The following RREB1 variants were observed in gnomAD, a reference collection of about 807,000 sequenced individuals.
RREB1 encodes the protein ras responsive element binding protein 1, also known as ras-responsive element-binding protein 1.
A neutral mutation model predicts 117.8 loss-of-function variants in RREB1; 27 were observed. The observed-to-expected ratio is 0.23, with a 90% CI of 0.17 to 0.32. RREB1 has a LOEUF of 0.32. RREB1 is among the 10% of genes least tolerant of loss of function. The pLI is 1.00. For missense variants in RREB1, 2,577 were observed against 2,378.2 expected (o/e 1.08, Z -1.74); for synonymous variants, 1,298 against 1,026.7 (o/e 1.26, Z -5.05).
intron 1 of RREB1, among the ~76,000 whole-genome samples, chr6:7,150,566 A>C (rs1207119610): frequency 6.6e-6 from 1 of 152,262 alleles, no homozygotes; most frequent in Non-Finnish European, 1.5e-5. Flanking sequence ...GACATTGGTC[A>C]TACTGTCAGG....
chr6:7,153,329 A>G (rs1479867184), intron 1 of RREB1, among the ~76,000 whole-genome samples: 1 of 151,788 alleles, frequency 6.6e-6, no homozygotes, highest in Non-Finnish European at 1.5e-5. Context: ...TTATCAGTCC[A>G]CACGTGATTA....
At chr6:7,196,778 G>A (rs1398383290) in intron 6 of RREB1, among the ~76,000 whole-genome samples, 1 of 151,996 alleles carries the variant, frequency 6.6e-6, no homozygotes, top group Non-Finnish European at 1.5e-5. Context: ...ACTATATCTG[G>A]TACAGCTTTG....
intron 1 of RREB1, among the ~76,000 whole-genome samples, chr6:7,129,720 G>A (rs1762074530): frequency 6.6e-6 from 1 of 152,208 alleles, no homozygotes; most frequent in Non-Finnish European, 1.5e-5. Context: ...AGCCACCTTC[G>A]AGAGGGGTAA....
intron 6 of RREB1, among the ~76,000 whole-genome samples, chr6:7,197,984 A>G (rs1223683609): frequency 6.6e-6 from 1 of 152,238 alleles, no homozygotes; most frequent in Non-Finnish European, 1.5e-5. Flanking sequence ...GCAGTTGGGT[A>G]TCTGGAACAG....
intron 6 of RREB1, among the ~76,000 whole-genome samples, chr6:7,192,593 C>T (rs1490083591): frequency 6.6e-6 from 1 of 152,192 alleles, no homozygotes; most frequent in Non-Finnish European, 1.5e-5. Context: ...TACAATAACT[C>T]ATAATATCCT....
intron 6 of RREB1, among the ~76,000 whole-genome samples, chr6:7,203,840 C>T (rs752553586): frequency 2.0e-5 from 3 of 152,172 alleles, no homozygotes; most frequent in African/African-American, 4.8e-5. Context: ...AGCATGTGGT[C>T]TTTATAGACA....
At chr6:7,172,163 C>G (rs1479227398) in intron 1 of RREB1, among the ~76,000 whole-genome samples, 1 of 152,098 alleles carries the variant, frequency 6.6e-6, no homozygotes, top group Non-Finnish European at 1.5e-5. Context: ...CCAGGCTGGT[C>G]TCAAACTCCT....
At chr6:7,193,598 G>GT (rs1165511377) in intron 6 of RREB1, among the ~76,000 whole-genome samples, 3 of 152,022 alleles carry the variant, frequency 2.0e-5, no homozygotes, top group East Asian at 1.9e-4. Context: ...TTGATTTGTT[G>GT]TTTTTTTGTT....
intron 6 of RREB1, among the ~76,000 whole-genome samples, chr6:7,203,851 C>T (rs1766123525): frequency 6.6e-6 from 1 of 152,158 alleles, no homozygotes; most frequent in Admixed American, 6.5e-5. Context: ...TTTATAGACA[C>T]CTCCCAGAAT....
chr6:7,199,957 A>T (rs565794342), intron 6 of RREB1, among the ~76,000 whole-genome samples: 1 of 152,314 alleles, frequency 6.6e-6, no homozygotes, highest in South Asian at 2.1e-4. Context: ...ATCCTCTGAG[A>T]AAAAGGGTAG....
chr6:7,245,296 G>C (rs1464453508), intron 11 of RREB1, among the ~76,000 whole-genome samples: 3 of 152,206 alleles, frequency 2.0e-5, no homozygotes, highest in African/African-American at 7.2e-5. Context: ...TTGGGAGGCT[G>C]AGGCAGGAGA....
intron 8 of RREB1, among the ~76,000 whole-genome samples, chr6:7,221,435 G>A (rs551068413): frequency 6.6e-6 from 1 of 152,184 alleles, no homozygotes; most frequent in Non-Finnish European, 1.5e-5. Context: ...GCCTCCCAAA[G>A]TGCTGGGATT....
rs1192344666 is a variant in RREB1 at position 7,231,022 on chromosome 6, C to A, written c.2923C>A (p.Pro975Thr). The A allele has an allele frequency of 6.2e-7, 1 of 1,613,990 alleles. No homozygotes were observed. The highest frequency in any genetic ancestry group is 1.3e-5 in the African/African-American group (1 of 74,944). Reference protein sequence around the residue: ...SSEQPSPCPAPGPSLPVTLGP... With the variant: ...SSEQPSPCPATGPSLPVTLGP... ...CGAGCAGCCCTCTCCCTGCCCAGCACCCGGCCCTTCTCTTCCTGTAACTTT... is the reference window on the plus strand; with the variant it reads ...CGAGCAGCCCTCTCCCTGCCCAGCAACCGGCCCTTCTCTTCCTGTAACTTT... Residue 975 changes from proline to threonine, a missense_variant, in exon 10 of 13, where the codon CCC becomes ACC. Transcript: ENST00000379938.
rs1291468802 is a variant in RREB1, at chr6:7,182,088, T to C, written c.171+6T>C. 1 of 1,613,512 alleles carries C rather than the reference T, an allele frequency of 6.2e-7. No individual in the cohort carries two copies. Among genetic ancestry groups the C allele is most frequent in the South Asian group, 1.1e-5 (1 of 91,066 alleles). The stretch of plus-strand genomic sequence containing the variant: ...GGATTGGCAGAAGGAACCAGGTAAG[T>C]GTTCACACCTAGTGGTGACCTCTGG... On this transcript the variant is annotated splice_donor_region_variant and intron_variant, in intron 4 of 12. Transcript: ENST00000379938.
At position 7,133,876 on chromosome 6, in the gene RREB1, A is replaced by G. The variant is rs1194663533; in HGVS notation, c.-285+25816A>G. Among the ~76,000 whole-genome samples, 3 of 152,208 alleles carry G rather than the reference A, an allele frequency of 2.0e-5. No individual in the cohort carries two copies. The East Asian group carries it at 5.8e-4, about 29-fold the overall frequency. ...GGTGGTTTTCTATGGATATATACAC[A>G]TATTACAAAAATGGGATTTATTGTG... On this transcript the variant is annotated intron_variant, in intron 1 of 12. Transcript: ENST00000379938.
intron 1 of RREB1, among the ~76,000 whole-genome samples, chr6:7,171,987 C>T (rs1764234139): frequency 1.3e-5 from 2 of 150,736 alleles, no homozygotes; most frequent in Non-Finnish European, 2.9e-5. Flanking sequence ...GCCCTGTTGA[C>T]CAGGCTTGAG....
At position 7,184,274 on chromosome 6, in the gene RREB1, AT is replaced by A. The variant is rs144526626; in HGVS notation, c.171+2200del. 8.0e-5 allele frequency among the ~76,000 whole-genome samples: 12 copies of A among 150,422 alleles called. No individual in the cohort carries two copies. In the South Asian group the frequency reaches 8.4e-4, roughly 10 times the overall value. On this transcript the variant is annotated intron_variant, in intron 4 of 12. Coordinates refer to ENST00000379938, the MANE Select transcript of RREB1 (RefSeq NM_001003699.4). ...CTAGTAGGTTCATTTTATTATTATT[AT>A]TTTTTTTATTATTATTATGTTTTAA...
At chr6:7,203,723 G>T (rs1234987714) in intron 6 of RREB1, among the ~76,000 whole-genome samples, 4 of 152,200 alleles carry the variant, frequency 2.6e-5, no homozygotes, top group Non-Finnish European at 2.9e-5. Context: ...GGCTCCCTTG[G>T]AATACCATGC....
intron 11 of RREB1, among the ~76,000 whole-genome samples, chr6:7,244,292 G>A (rs1286975448): frequency 6.6e-6 from 1 of 151,728 alleles, no homozygotes; most frequent in African/African-American, 2.4e-5. Context: ...ACTTACAAAG[G>A]CCAGCCACAG....
Sources: gnomAD v4.1 joint callset for allele counts (sites outside exome capture counted in the v4.1 genomes callset) on GRCh38, gnomAD v4.1.1 for gene constraint, MANE v1.5 for transcripts, NCBI Gene and HGNC (gene_info 2026-07-23, HGNC 2026-07-21) for gene names.